Variants in ADGRL3 observed in about 807,000 individuals in gnomAD.
The protein encoded by ADGRL3 is adhesion G protein-coupled receptor L3.
Under a neutral mutation model 153.5 loss-of-function variants are expected in ADGRL3, and 62 were observed. That is an observed-to-expected ratio of 0.40 (90% CI 0.33 to 0.50). The LOEUF is 0.50. Among genes scored for constraint, ADGRL3 ranks in the 20% least tolerant of loss-of-function variants. The probability of loss-of-function intolerance (pLI) is 0.47; values close to 1 mark genes in which losing one functional copy is unlikely to be tolerated. For missense variants in ADGRL3, 1,641 were observed against 1,859.4 expected (o/e 0.88, Z 2.16); for synonymous variants, 710 against 672.5 (o/e 1.06, Z -0.86).
At chr4:62,024,165 A>G (rs190265590) in intron 21 of ADGRL3, among the ~76,000 whole-genome samples, 2 of 152,254 alleles carry the variant, frequency 1.3e-5, no homozygotes, top group Admixed American at 1.3e-4. Context: ...CTTATCTGTC[A>G]TTGATCTGAT....
At chr4:61,607,514 C>A (rs1314674833) in intron 5 of ADGRL3, among the ~76,000 whole-genome samples, 2 of 152,116 alleles carry the variant, frequency 1.3e-5, no homozygotes, top group Admixed American at 1.3e-4. Flanking sequence ...GCAGAAGAAT[C>A]ACTTGAACCC....
At chr4:62,014,072 G>T (rs2151291022) in intron 21 of ADGRL3, among the ~76,000 whole-genome samples, 1 of 152,138 alleles carries the variant, frequency 6.6e-6, no homozygotes, top group Non-Finnish European at 1.5e-5. Flanking sequence ...TGATAATGTA[G>T]TGAAAAGATG....
intron 2 of ADGRL3, chr4:61,385,891 G>A (rs1207975225): frequency 6.6e-6 from 1 of 152,060 alleles, no homozygotes; most frequent in Non-Finnish European, 1.5e-5. Flanking sequence ...CATTTTCTGT[G>A]TGTGTGTTTG....
intron 5 of ADGRL3, among the ~76,000 whole-genome samples, chr4:61,611,317 C>T (rs1469239115): frequency 4.6e-5 from 7 of 152,094 alleles, no homozygotes; most frequent in Admixed American, 1.3e-4. Flanking sequence ...CTGGCAAGAA[C>T]TAGTCACATG....
chr4:61,758,142 G>A (rs1198910685), intron 8 of ADGRL3, among the ~76,000 whole-genome samples: 1 of 152,040 alleles, frequency 6.6e-6, no homozygotes, highest in African/African-American at 2.4e-5. Context: ...TAGGTGCAGA[G>A]CTGAGTTCAA....
At chr4:61,526,654 C>A (rs982601686) in intron 4 of ADGRL3, among the ~76,000 whole-genome samples, 17 of 151,944 alleles carry the variant, frequency 1.1e-4, no homozygotes, top group African/African-American at 3.9e-4. Flanking sequence ...TGCATCCCTG[C>A]AGTCCCAGGT....
At chr4:61,862,906 G>T (rs1312530943) in intron 9 of ADGRL3, among the ~76,000 whole-genome samples, 2 of 152,082 alleles carry the variant, frequency 1.3e-5, no homozygotes, top group Admixed American at 6.6e-5. Flanking sequence ...GAGGGGGTGG[G>T]GGTGAAGGGA....
intron 2 of ADGRL3, among the ~76,000 whole-genome samples, chr4:61,477,210 G>A (rs746338685): frequency 4.6e-5 from 7 of 151,972 alleles, no homozygotes; most frequent in East Asian, 1.9e-4. Context: ...CAGAAAAATC[G>A]AATGAATTTT....
At chr4:61,221,154 G>A (rs1356609288) in intron 1 of ADGRL3, among the ~76,000 whole-genome samples, 1 of 152,132 alleles carries the variant, frequency 6.6e-6, no homozygotes, top group Non-Finnish European at 1.5e-5. Flanking sequence ...CTCTCATGCT[G>A]AATATAATAG....
chr4:61,582,858 A>G (rs1443808957), intron 4 of ADGRL3, among the ~76,000 whole-genome samples: 1 of 152,014 alleles, frequency 6.6e-6, no homozygotes. Flanking sequence ...TCAAGTCGTC[A>G]GTGACCACTG....
intron 4 of ADGRL3, among the ~76,000 whole-genome samples, chr4:61,578,386 C>A (rs571936184): frequency 6.6e-6 from 1 of 152,096 alleles, no homozygotes; most frequent in East Asian, 1.9e-4. Context: ...TAGCGATTAC[C>A]ATTGTCATAT....
intron 21 of ADGRL3, among the ~76,000 whole-genome samples, chr4:62,006,631 A>G (rs1337981945): frequency 2.3e-5 from 3 of 131,540 alleles, no homozygotes; most frequent in Non-Finnish European, 3.3e-5. Context: ...TATTTTTGGT[A>G]TTGGTTTCAC....
chr4:61,229,608 T>C (rs529309845), intron 1 of ADGRL3, among the ~76,000 whole-genome samples: 8 of 152,262 alleles, frequency 5.3e-5, no homozygotes, highest in African/African-American at 1.9e-4. Flanking sequence ...CAGGCTAATA[T>C]TAAATGACCC....
chr4:61,885,251 C>T (rs890792798), intron 9 of ADGRL3, among the ~76,000 whole-genome samples: 6 of 152,142 alleles, frequency 3.9e-5, no homozygotes, highest in Admixed American at 2.0e-4. Flanking sequence ...TCGCTTGAAC[C>T]CAGGAGGCGG....
chr4:61,777,026 T>C (rs1172277413), intron 8 of ADGRL3, among the ~76,000 whole-genome samples: 3 of 152,190 alleles, frequency 2.0e-5, no homozygotes, highest in Non-Finnish European at 4.4e-5. Flanking sequence ...ATTCATTTCC[T>C]TGCTTTTGTT....
intron 17 of ADGRL3, among the ~76,000 whole-genome samples, chr4:61,959,053 A>C (rs575166894): frequency 6.6e-6 from 1 of 152,312 alleles, no homozygotes; most frequent in African/African-American, 2.4e-5. Context: ...TAACTGAGTT[A>C]TAGTGTTTAT....
At chr4:61,219,083 G>A (rs1027060952) in intron 1 of ADGRL3, among the ~76,000 whole-genome samples, 4 of 152,140 alleles carry the variant, frequency 2.6e-5, no homozygotes, top group African/African-American at 9.7e-5. Flanking sequence ...AAGCAGCAAA[G>A]GATAGATCCT....
intron 1 of ADGRL3, among the ~76,000 whole-genome samples, chr4:61,375,936 C>G (rs996308608): frequency 4.6e-5 from 7 of 151,944 alleles, no homozygotes; most frequent in African/African-American, 1.7e-4. Context: ...TGTTTTCTTT[C>G]CTGAATTGAC....
At chr4:61,604,623 TA>T (rs1226160020) in intron 5 of ADGRL3, among the ~76,000 whole-genome samples, 4 of 152,206 alleles carry the variant, frequency 2.6e-5, no homozygotes, top group Non-Finnish European at 5.9e-5. Context: ...CCATGTGTTC[TA>T]CTCTAAAAAT....
Sources: allele counts gnomAD v4.1 joint callset (sites outside exome capture counted in the v4.1 genomes callset), GRCh38; gene constraint gnomAD v4.1.1; transcripts MANE v1.5; gene names NCBI Gene and HGNC (gene_info 2026-07-23, HGNC 2026-07-21).